Variants in TUBA1C observed in about 807,000 individuals in gnomAD.
The protein encoded by TUBA1C is tubulin alpha-1C chain.
TUBA1C carries 16 observed loss-of-function variants against 34.9 expected under a neutral mutation model. The ratio of observed to expected loss-of-function variants is 0.46; its 90% CI spans 0.31 to 0.70. The LOEUF (loss-of-function observed/expected upper bound fraction) is 0.70, where lower values mean the gene tolerates loss of function less well. Ranked by LOEUF, TUBA1C falls within the 30% of genes least tolerant of loss-of-function variation. The probability of loss-of-function intolerance (pLI) is 0.05; values close to 1 mark genes in which losing one functional copy is unlikely to be tolerated. For missense variants in TUBA1C, 329 were observed against 587.3 expected (o/e 0.56, Z 4.55); for synonymous variants, 177 against 215.9 (o/e 0.82, Z 1.58).
intron 1 of TUBA1C, among the ~76,000 whole-genome samples, chr12:49,251,804 C>T (rs953352767): frequency 2.0e-5 from 3 of 150,828 alleles, no homozygotes; most frequent in East Asian, 1.9e-4. Context: ...TTATACAACA[C>T]GACCAAGTTG....
In TUBA1C at chr12:49,273,520, G is replaced by C; in HGVS notation, c.*293G>C. Reference sequence around the variant, plus strand: ...TTCTCCTGCTTCAGCCTCCTAAGTAGCTGGGGACTGCAGGTGCACACCACC... The same window carrying C: ...TTCTCCTGCTTCAGCCTCCTAAGTACCTGGGGACTGCAGGTGCACACCACC... On this transcript the variant is annotated 3_prime_UTR_variant, in exon 4 of 4. Transcript: ENST00000301072. 2.2e-6 allele frequency: 1 copy of C among 448,698 alleles called. No homozygotes were observed. The highest frequency in any genetic ancestry group is 2.1e-5 in the South Asian group (1 of 47,508). 27.8% of individuals were successfully genotyped at this position (448,698 alleles called of 1,614,324 possible). A position where few individuals can be genotyped will look rare whatever the true frequency, so the allele number is the denominator to read the frequency against.
intron 3 of TUBA1C, among the ~76,000 whole-genome samples, chr12:49,270,958 G>T (rs957467271): frequency 6.6e-6 from 1 of 152,168 alleles, no homozygotes; most frequent in African/African-American, 2.4e-5. Flanking sequence ...CAGCCTGGGC[G>T]ACAGAGTGAG....
intron 1 of TUBA1C, among the ~76,000 whole-genome samples, chr12:49,238,476 C>T (rs1476347477): frequency 6.6e-6 from 1 of 152,082 alleles, no homozygotes; most frequent in African/African-American, 2.4e-5. Flanking sequence ...AGGACTGAGT[C>T]CCATGAGACT....
rs372787259 is a variant in TUBA1C, at chr12:49,234,609, C to A, written c.213+6443C>A. On this transcript the variant is annotated intron_variant, in intron 1 of 3. Coordinates refer to the TUBA1C transcript ENST00000541364. ...CGCTCTGTCCCCGGTGACCAGCAGGCGGCGCTATCTCCAGGCCGCAGCCGC... is the reference window on the plus strand; with the variant it reads ...CGCTCTGTCCCCGGTGACCAGCAGGAGGCGCTATCTCCAGGCCGCAGCCGC... Among the ~76,000 whole-genome samples the A allele has an allele frequency of 2.6e-5, 4 of 152,282 alleles. No individual in the cohort carries two copies. The East Asian group carries it at 7.7e-4, about 29-fold the overall frequency.
rs1468572110 is a variant in TUBA1C, at chr12:49,273,552, A to G, written c.*325A>G. 7.7e-6 allele frequency: 3 copies of G among 390,178 alleles called. No homozygotes were observed. The highest frequency in any genetic ancestry group is 6.8e-5 in the South Asian group (3 of 43,906). 24.2% of individuals were successfully genotyped at this position (390,178 alleles called of 1,614,324 possible). On this transcript the variant is annotated 3_prime_UTR_variant, in exon 4 of 4. Coordinates refer to ENST00000301072, the MANE Select transcript of TUBA1C (RefSeq NM_032704.5). ...ACTGCAGGTGCACACCACCATGCCC[A>G]GCTATTTTTATTTCTTGTAGAGATG... is the stretch of plus-strand genomic sequence containing the variant.
At chr12:49,269,329 C>G in intron 1 of TUBA1C, 136 bp from the exon 2 acceptor site, 1 of 1,398,958 alleles carries the variant, frequency 7.1e-7, no homozygotes, top group East Asian at 2.5e-5. Flanking sequence ...TCCCAAAGTA[C>G]TGGGATTACA....
chr12:49,271,593 A>G (rs551740669), intron 3 of TUBA1C, among the ~76,000 whole-genome samples: 1 of 152,362 alleles, frequency 6.6e-6, no homozygotes, highest in African/African-American at 2.4e-5. Context: ...GAATGTGGTC[A>G]TACAGTAAGG....
rs1725749999 is a variant in TUBA1C, at chr12:49,273,219, G to A, written c.1342G>A (p.Glu448Lys). 1 of 1,614,094 alleles carries A rather than the reference G, an allele frequency of 6.2e-7. No individual in the cohort carries two copies. Among genetic ancestry groups the A allele is most frequent in the African/African-American group, 1.3e-5 (1 of 74,934 alleles). ...DSADGEDEGE[E>K]Y is the part of the protein sequence containing the mutation. Reference sequence around the variant, plus strand: ...TGCTGACGGAGAGGATGAGGGTGAAGAGTATTAACCTGTGTGCTGTACTTT... The same window carrying A: ...TGCTGACGGAGAGGATGAGGGTGAAAAGTATTAACCTGTGTGCTGTACTTT... Residue 448 changes from glutamate to lysine, a missense_variant, in exon 4 of 4, where the codon GAG (glutamate) becomes AAG (lysine). Physicochemically the swap from Glu to Lys is moderately conservative, Grantham distance 56. Coordinates refer to ENST00000301072, the MANE Select transcript of TUBA1C (RefSeq NM_032704.5).
chr12:49,266,884 A>G (rs1666469476), intron 1 of TUBA1C, among the ~76,000 whole-genome samples: 1 of 152,226 alleles, frequency 6.6e-6, no homozygotes, highest in Non-Finnish European at 1.5e-5. Context: ...AAATACATGT[A>G]TATGTCGCAC....
At chr12:49,264,967 A>T (rs1361544955), upstream of TUBA1C, 2 of 561,836 alleles carry the variant, frequency 3.6e-6, no homozygotes, top group East Asian at 7.3e-5. Flanking sequence ...GGCCGGGCGC[A>T]GGCCAGGGCT....
intron 1 of TUBA1C, among the ~76,000 whole-genome samples, chr12:49,245,115 T>G (rs145895421): frequency 2.1e-3 from 324 of 152,230 alleles, no homozygotes; most frequent in Middle Eastern, 0.014. Context: ...AGTACAGTGG[T>G]CAAGACAGAA....
chr12:49,243,770 C>T (rs975710976), intron 1 of TUBA1C, among the ~76,000 whole-genome samples: 3 of 152,048 alleles, frequency 2.0e-5, no homozygotes, highest in African/African-American at 7.2e-5. Flanking sequence ...CATTGCAAAC[C>T]ATTCTCAGGC....
intron 2 of TUBA1C, 54 bp from the exon 3 acceptor site, chr12:49,269,774 A>G: frequency 6.2e-7 from 1 of 1,611,518 alleles, no homozygotes; most frequent in Non-Finnish European, 8.5e-7. Flanking sequence ...TCACTCACCC[A>G]CTCTCCCTCC....
intron 1 of TUBA1C, among the ~76,000 whole-genome samples, chr12:49,253,457 AGAGCTAAAAAGTGG>A (rs552110073): frequency 1.3e-5 from 2 of 152,116 alleles, no homozygotes; most frequent in Admixed American, 6.6e-5. Flanking sequence ...CTGGTTTCGT[AGAGCTAAAAAGTGG>A]GAGGTTGTGG....
chr12:49,264,188 C>G (rs149112347), upstream of TUBA1C, among the ~76,000 whole-genome samples: 1,060 of 151,210 alleles, frequency 7.0e-3, 17 homozygotes, highest in African/African-American at 0.025. Context: ...CCACTGCACT[C>G]CAGCCTGGGT....
At chr12:49,255,407 T>A (rs2878288) in intron 1 of TUBA1C, among the ~76,000 whole-genome samples, 18,962 of 129,632 alleles carry the variant, frequency 0.15, 1,956 homozygotes, top group African/African-American at 0.32. Flanking sequence ...CTTTAAAAAA[T>A]ATATATATAT....
At chr12:49,256,034 C>T (rs575635968) in intron 1 of TUBA1C, among the ~76,000 whole-genome samples, 2 of 152,266 alleles carry the variant, frequency 1.3e-5, no homozygotes, top group Admixed American at 6.5e-5. Context: ...GAGCCTGGGA[C>T]GTTGAGGCTG....
At chr12:49,234,824 T>A (rs917629103) in intron 1 of TUBA1C, among the ~76,000 whole-genome samples, 17 of 152,194 alleles carry the variant, frequency 1.1e-4, no homozygotes, top group Non-Finnish European at 2.1e-4. Context: ...CTAAAAAAAA[T>A]TTTCTTTTTG....
At chr12:49,258,180 A>G (rs1942804457) in intron 1 of TUBA1C, among the ~76,000 whole-genome samples, 1 of 152,066 alleles carries the variant, frequency 6.6e-6, no homozygotes, top group African/African-American at 2.4e-5. Flanking sequence ...TTAAAGCTAC[A>G]GTAAGCTAAA....
Sources: allele counts gnomAD v4.1 joint callset (sites outside exome capture counted in the v4.1 genomes callset), GRCh38; gene constraint gnomAD v4.1.1; transcripts MANE v1.5; gene names NCBI Gene and HGNC (gene_info 2026-07-23, HGNC 2026-07-21).